The following LINGO2 variants were observed in gnomAD, a reference collection of about 807,000 sequenced individuals.
LINGO2 encodes leucine-rich repeat and immunoglobulin-like domain-containing nogo receptor-interacting protein 2.
Under a neutral mutation model 30.6 loss-of-function variants are expected in LINGO2, and 14 were observed. That is an observed-to-expected ratio of 0.46 (90% CI 0.30 to 0.72). The LOEUF is 0.72. LINGO2 is among the 30% of genes least tolerant of loss of function. The pLI is 0.07. For missense variants in LINGO2, 729 were observed against 751.7 expected, an observed-to-expected ratio of 0.97 and a Z score of 0.35; for synonymous variants, 317 against 288.5, an observed-to-expected ratio of 1.10 and a Z score of -1.00.
intron 2 of LINGO2, among the ~76,000 whole-genome samples, chr9:28,394,330 T>C (rs747033649): frequency 2.2e-4 from 33 of 152,124 alleles, no homozygotes; most frequent in Non-Finnish European, 4.1e-4. Context: ...ATATGAAACG[T>C]AGTTACTGCT....
At chr9:28,036,078 T>G (rs1218949446) in intron 4 of LINGO2, among the ~76,000 whole-genome samples, 1 of 152,196 alleles carries the variant, frequency 6.6e-6, no homozygotes, top group Non-Finnish European at 1.5e-5. Flanking sequence ...GCCAAGAAAG[T>G]GTTAAAGAAT....
intron 1 of LINGO2, among the ~76,000 whole-genome samples, chr9:28,553,079 A>C (rs1388882003): frequency 6.6e-6 from 1 of 152,068 alleles, no homozygotes. Context: ...TTCTGCTATA[A>C]AAGCAGAGCA....
At chr9:28,050,296 A>C (rs1824612300) in intron 4 of LINGO2, among the ~76,000 whole-genome samples, 1 of 150,834 alleles carries the variant, frequency 6.6e-6, no homozygotes, top group Non-Finnish European at 1.5e-5. Context: ...TAAGGAACTC[A>C]CATGCTGGTA....
chr9:28,165,638 G>A (rs574931762), intron 4 of LINGO2, among the ~76,000 whole-genome samples: 6 of 152,200 alleles, frequency 3.9e-5, no homozygotes, highest in Admixed American at 6.5e-5. Flanking sequence ...TGTGGTTTTC[G>A]TCATAATTGT....
At chr9:29,025,152 A>AG in the LINGO2 span, among the ~76,000 whole-genome samples, 34 of 151,768 alleles carry the variant, frequency 2.2e-4, no homozygotes, top group African/African-American at 7.7e-4. Context: ...AAAAAGGAGG[A>AG]GAAAAAAACA....
chr9:29,159,430 A>G, the LINGO2 span, among the ~76,000 whole-genome samples: 1 of 152,230 alleles, frequency 6.6e-6, no homozygotes, highest in Non-Finnish European at 1.5e-5. Context: ...AGTTTAATCT[A>G]TTGAAGCTGT....
intron 1 of LINGO2, among the ~76,000 whole-genome samples, chr9:28,506,376 G>C (rs1266762305): frequency 7.0e-6 from 1 of 143,600 alleles, no homozygotes; most frequent in Non-Finnish European, 1.5e-5. Flanking sequence ...AGATCTTCTA[G>C]TTTTAATTGA....
At chr9:28,509,952 C>T (rs1353077463) in intron 1 of LINGO2, among the ~76,000 whole-genome samples, 1 of 152,200 alleles carries the variant, frequency 6.6e-6, no homozygotes, top group East Asian at 1.9e-4. Flanking sequence ...ACATTACAAT[C>T]ATTGCAATAA....
chr9:27,981,571 A>AAAAAAAAAAAAG (rs1820876000), intron 5 of LINGO2, among the ~76,000 whole-genome samples: 4 of 74,230 alleles, frequency 5.4e-5, no homozygotes, highest in African/African-American at 1.5e-4. Context: ...AAAAAAAAAG[A>AAAAAAAAAAAAG]AAAAAAAAAG....
At chr9:28,903,341 T>A in the LINGO2 span, among the ~76,000 whole-genome samples, 4 of 152,072 alleles carry the variant, frequency 2.6e-5, no homozygotes. Context: ...ACAGAAAATA[T>A]GAACAGACCA....
At chr9:28,955,268 G>A in the LINGO2 span, among the ~76,000 whole-genome samples, 10 of 152,194 alleles carry the variant, frequency 6.6e-5, no homozygotes, top group African/African-American at 2.4e-4. Flanking sequence ...GTCAGAAGGA[G>A]ACAGAGAATA....
At chr9:28,296,604 C>T (rs1213363299) in intron 3 of LINGO2, among the ~76,000 whole-genome samples, 1 of 152,220 alleles carries the variant, frequency 6.6e-6, no homozygotes, top group Non-Finnish European at 1.5e-5. Context: ...TATCCTATTA[C>T]ACCATTTCAG....
chr9:28,197,482 G>C (rs1820056268), intron 4 of LINGO2, among the ~76,000 whole-genome samples: 1 of 151,842 alleles, frequency 6.6e-6, no homozygotes, highest in Admixed American at 6.6e-5. Context: ...GGCATAAATT[G>C]CTTAATAAAA....
At chr9:29,175,522 A>ATTTTT in the LINGO2 span, among the ~76,000 whole-genome samples, 1 of 110,376 alleles carries the variant, frequency 9.1e-6, no homozygotes, top group Non-Finnish European at 1.8e-5. Context: ...TATCTCCGAG[A>ATTTTT]TTTTTTTTTT....
intron 1 of LINGO2, among the ~76,000 whole-genome samples, chr9:28,601,778 T>C (rs1825487174): frequency 6.6e-6 from 1 of 152,110 alleles, no homozygotes; most frequent in Non-Finnish European, 1.5e-5. Context: ...TAGCTGCATA[T>C]TCTAACTTTA....
chr9:28,024,133 G>A (rs1467731739), intron 4 of LINGO2, among the ~76,000 whole-genome samples: 2 of 152,156 alleles, frequency 1.3e-5, no homozygotes, highest in Non-Finnish European at 2.9e-5. Flanking sequence ...CTTTACCTGT[G>A]GGAACTGCAA....
chr9:28,132,375 T>C (rs1827401917), intron 4 of LINGO2, among the ~76,000 whole-genome samples: 1 of 151,920 alleles, frequency 6.6e-6, no homozygotes, highest in South Asian at 2.1e-4. Flanking sequence ...TAAAAACCTT[T>C]TACGTAGCTT....
chr9:29,140,434 T>G, the LINGO2 span, among the ~76,000 whole-genome samples: 1 of 151,538 alleles, frequency 6.6e-6, no homozygotes, highest in South Asian at 2.1e-4. Flanking sequence ...GCAAATTGGA[T>G]CAAGCAGAAG....
chr9:28,411,841 G>A (rs533496357), intron 2 of LINGO2, among the ~76,000 whole-genome samples: 24 of 152,022 alleles, frequency 1.6e-4, no homozygotes, highest in Non-Finnish European at 2.9e-4. Flanking sequence ...AAGAATCACC[G>A]CATTGTTTTC....
Sources: allele counts gnomAD v4.1 joint callset (sites outside exome capture counted in the v4.1 genomes callset), GRCh38; gene constraint gnomAD v4.1.1; transcripts MANE v1.5; gene names NCBI Gene and HGNC (gene_info 2026-07-23, HGNC 2026-07-21).